PIEZO2: variants seen among roughly 807,000 people sequenced by gnomAD.
The protein encoded by PIEZO2 is piezo-type mechanosensitive ion channel component 2.
A neutral mutation model predicts 337.3 loss-of-function variants in PIEZO2; 172 were observed. The ratio of observed to expected loss-of-function variants is 0.51; its 90% CI spans 0.45 to 0.58. PIEZO2 has a LOEUF of 0.58. Among genes scored for constraint, PIEZO2 ranks in the 20% least tolerant of loss-of-function variants. PIEZO2 has a pLI of 0.00. For synonymous variants in PIEZO2, 1,251 were observed against 1,228.5 expected, an observed-to-expected ratio of 1.02 and a Z score of -0.38; for missense variants, 3,028 against 3,391.3, an observed-to-expected ratio of 0.89 and a Z score of 2.66.
chr18:11,139,901 T>C (rs1201261891), intron 1 of PIEZO2, among the ~76,000 whole-genome samples: 1 of 151,992 alleles, frequency 6.6e-6, no homozygotes, highest in Non-Finnish European at 1.5e-5. Flanking sequence ...GCCCATCGAG[T>C]TCTCTTCTAG....
chr18:10,691,782 C>CATATATATAT (rs33977962), intron 47 of PIEZO2, among the ~76,000 whole-genome samples: 24 of 96,568 alleles, frequency 2.5e-4, no homozygotes, highest in African/African-American at 5.1e-4. Context: ...CACACACACA[C>CATATATATAT]ATATATATAT....
At chr18:10,760,816 G>A (rs1234794125) in intron 24 of PIEZO2, 95 bp downstream of exon 24, 18 of 967,196 alleles carry the variant, frequency 1.9e-5, no homozygotes, top group Non-Finnish European at 2.8e-5. Context: ...CATGCCTGCA[G>A]ATGTATCACA....
At chr18:10,725,708 C>T (rs775155676) in intron 36 of PIEZO2, among the ~76,000 whole-genome samples, 1 of 152,226 alleles carries the variant, frequency 6.6e-6, no homozygotes, top group African/African-American at 2.4e-5. Context: ...TCTCTCTCCA[C>T]TTCCTCTCCG....
At chr18:10,961,005 C>T in intron 3 of PIEZO2, among the ~76,000 whole-genome samples, 1 of 151,882 alleles carries the variant, frequency 6.6e-6, no homozygotes, top group East Asian at 1.9e-4. Flanking sequence ...GGTGAAGCCT[C>T]GTCTCTACCA....
chr18:10,825,520 CT>C (rs57046007), intron 7 of PIEZO2, among the ~76,000 whole-genome samples: 2 of 139,296 alleles, frequency 1.4e-5, no homozygotes, highest in Non-Finnish European at 3.1e-5. Flanking sequence ...AGAAGTTGCT[CT>C]TTTTTTTTCC....
chr18:10,964,133 CAA>C (rs1390200039), intron 3 of PIEZO2, among the ~76,000 whole-genome samples: 1 of 152,076 alleles, frequency 6.6e-6, no homozygotes, highest in Non-Finnish European at 1.5e-5. Flanking sequence ...ATCCACTTTT[CAA>C]AGTCTCTATA....
At chr18:10,788,920 T>C (rs1409271318) in intron 15 of PIEZO2, among the ~76,000 whole-genome samples, 159 bp downstream of exon 15, 1 of 152,204 alleles carries the variant, frequency 6.6e-6, no homozygotes, top group East Asian at 1.9e-4. Context: ...TTGAAGACAG[T>C]CATTTCCCAT....
intron 8 of PIEZO2, among the ~76,000 whole-genome samples, chr18:10,806,634 A>T (rs918918052): frequency 6.6e-6 from 1 of 151,976 alleles, no homozygotes; most frequent in Non-Finnish European, 1.5e-5. Context: ...AGTCCTCTTG[A>T]TAACAGGGGT....
chr18:11,063,824 G>C (rs974873483), intron 2 of PIEZO2, among the ~76,000 whole-genome samples: 1 of 152,132 alleles, frequency 6.6e-6, no homozygotes, highest in East Asian at 1.9e-4. Flanking sequence ...ACACACACTG[G>C]AAAGTCTGAG....
In PIEZO2 at chr18:10,706,079, C is replaced by T. The variant is rs762880563; in HGVS notation, c.5589-333G>A. Among the ~76,000 whole-genome samples the T allele has an allele frequency of 4.5e-4, 69 of 152,152 alleles. 1 individual carries two copies. The highest frequency in any genetic ancestry group is 4.5e-3 in the Admixed American group (69 of 15,280). Reference sequence around the variant, plus strand: ...TCCAGAGTCTGTTGCCATATCAACACAGCACAGCTTACCCACTGCTCTGTC... The same window carrying T: ...TCCAGAGTCTGTTGCCATATCAACATAGCACAGCTTACCCACTGCTCTGTC... On this transcript the variant is annotated intron_variant, in intron 40 of 55. Coordinates refer to ENST00000674853, the MANE Select transcript of PIEZO2 (RefSeq NM_001378183.1).
intron 1 of PIEZO2, among the ~76,000 whole-genome samples, chr18:11,113,835 C>T (rs1272760855): frequency 6.6e-6 from 1 of 152,240 alleles, no homozygotes; most frequent in African/African-American, 2.4e-5. Context: ...TGGAGGATGT[C>T]CACCTTCGTG....
intron 7 of PIEZO2, among the ~76,000 whole-genome samples, chr18:10,812,125 G>A (rs1055870909): frequency 7.2e-5 from 11 of 152,192 alleles, no homozygotes; most frequent in Admixed American, 6.5e-5. Context: ...GAGCCACTGC[G>A]CCCGGCCAAC....
chr18:11,054,855 G>A (rs2037658596), intron 2 of PIEZO2, among the ~76,000 whole-genome samples: 1 of 152,172 alleles, frequency 6.6e-6, no homozygotes, highest in South Asian at 2.1e-4. Context: ...GGACTTGCTA[G>A]ACTGATGAGG....
At position 11,077,724 on chromosome 18, in the gene PIEZO2, T is replaced by G. The variant is rs1287691612; in HGVS notation, c.65-11502A>C. On this transcript the variant is annotated intron_variant, in intron 1 of 55. Coordinates refer to ENST00000674853, the MANE Select transcript of PIEZO2 (RefSeq NM_001378183.1). This position sits in a 1 kb window ranked among gnomAD's most constrained non-coding sequence, Gnocchi z 4.8. ...AGTTGTTGCTCCATTTTCATTAATA[T>G]CAGTACTTTTAAACTTTGAACCACT... is the stretch of plus-strand genomic sequence containing the variant. 8.1e-6 allele frequency among the ~76,000 whole-genome samples: 1 copy of G among 122,768 alleles called. No individual in the cohort carries two copies. Among genetic ancestry groups the G allele is most frequent in the Non-Finnish European group, 1.8e-5 (1 of 56,192 alleles). 80.5% of individuals were successfully genotyped at this position (122,768 alleles called of 152,430 possible).
At chr18:11,081,098 C>T (rs569122440) in intron 1 of PIEZO2, among the ~76,000 whole-genome samples, 1 of 152,252 alleles carries the variant, frequency 6.6e-6, no homozygotes, top group African/African-American at 2.4e-5. Context: ...AGAAAGTTTC[C>T]TGAGTCATGA....
At chr18:10,965,320 T>C (rs1226717887) in intron 3 of PIEZO2, among the ~76,000 whole-genome samples, 1 of 152,238 alleles carries the variant, frequency 6.6e-6, no homozygotes, top group Non-Finnish European at 1.5e-5. Flanking sequence ...TTTTGTCATT[T>C]GTTTCTTATT....
chr18:10,934,610 G>A (rs552621692), intron 3 of PIEZO2, among the ~76,000 whole-genome samples: 2 of 148,410 alleles, frequency 1.3e-5, no homozygotes, highest in Non-Finnish European at 3.0e-5. Flanking sequence ...AAAGAGGAGG[G>A]TTAGGAATTG....
rs181012857 is a variant in PIEZO2, at chr18:10,676,709, G to C, written c.8081+1038C>G. Among the ~76,000 whole-genome samples the C allele has an allele frequency of 2.0e-5, 3 of 152,326 alleles. No homozygotes were observed. Among genetic ancestry groups the C allele is most frequent in the Admixed American group, 1.3e-4 (2 of 15,300 alleles). On this transcript the variant is annotated intron_variant, in intron 53 of 55. Coordinates refer to ENST00000674853, the MANE Select transcript of PIEZO2 (RefSeq NM_001378183.1). This position sits in a 1 kb window ranked among gnomAD's most constrained non-coding sequence, Gnocchi z 5.1. ...CAATACTTTTTGGGCCAGGTGGACA[G>C]AGAGTGGGAGGAGAATGTGCTTGAC... is the stretch of plus-strand genomic sequence containing the variant.
At chr18:10,798,475 C>G (rs536795913) in intron 11 of PIEZO2, among the ~76,000 whole-genome samples, 3 of 152,298 alleles carry the variant, frequency 2.0e-5, no homozygotes, top group African/African-American at 7.2e-5. Flanking sequence ...CTGGATGAGC[C>G]TGCAGTTTAT....
Sources: gnomAD v4.1 joint callset for allele counts (sites outside exome capture counted in the v4.1 genomes callset) on GRCh38, gnomAD v4.1.1 for gene constraint, Gnocchi (gnomAD v3.1) non-coding constraint, MANE v1.5 for transcripts, NCBI Gene and HGNC (gene_info 2026-07-23, HGNC 2026-07-21) for gene names.